The following ZNF576 variants were observed in gnomAD, a reference collection of about 807,000 sequenced individuals.
ZNF576 encodes the protein zinc finger protein 576.
ZNF576 carries 9 observed loss-of-function variants against 10.8 expected under a neutral mutation model. The observed-to-expected ratio is 0.84, with a 90% CI of 0.50 to 1.46. The LOEUF (loss-of-function observed/expected upper bound fraction) is 1.46. Ranked by LOEUF, ZNF576 falls within the 40% of genes most tolerant of loss-of-function variation. The pLI is 0.00. For synonymous variants in ZNF576, 88 were observed against 89.6 expected (o/e 0.98, Z 0.10); for missense variants, 191 against 233.7 (o/e 0.82, Z 1.19).
At chr19:43,596,589 A>G (rs1196939579), upstream of ZNF576, 1 of 154,944 alleles carries the variant, frequency 6.5e-6, no homozygotes, top group Non-Finnish European at 1.4e-5. Context: ...CTCTGCTGTA[A>G]GGAGGAAAAC....
chr19:43,597,967 T>C (rs1463883873), intron 2 of ZNF576, among the ~76,000 whole-genome samples: 1 of 152,110 alleles, frequency 6.6e-6, no homozygotes, highest in African/African-American at 2.4e-5. Context: ...GATTTGGGCT[T>C]GTGGGTGGTG....
At chr19:43,596,490 C>T (rs765023664), upstream of ZNF576, 5 of 152,374 alleles carry the variant, frequency 3.3e-5, no homozygotes, top group Non-Finnish European at 5.9e-5. Context: ...GCGGAAACCA[C>T]GGGGGCCCTG....
chr19:43,599,145 C>G lies in ZNF576; in HGVS notation c.400C>G (p.His134Asp). The G allele has an allele frequency of 6.2e-7, 1 of 1,614,256 alleles. No homozygotes were observed. The highest frequency in any genetic ancestry group is 8.5e-7 in the Non-Finnish European group (1 of 1,180,042). ...AVSLRRHRQM[H>D]EVRAPPGTFA... ...TTCTCTGAGGCGGCACCGCCAGATG[C>G]ATGAGGTCCGTGCCCCTCCTGGCAC... The change falls in exon 3 of 3, where the codon CAT (histidine) becomes GAT (aspartate). Residue 134 changes from histidine (H) to aspartate (D), a missense_variant. Physicochemically the swap from His to Asp is moderately conservative, Grantham distance 81. Coordinates refer to ENST00000336564, the MANE Select transcript of ZNF576 (RefSeq NM_001145347.2).
chr19:43,599,773 A>G lies in ZNF576; in HGVS notation c.*515A>G, dbSNP rs1205459546. ...AGCTGGACCCCAATTGAGTGGGGGT[A>G]GCAATTGGAGTCCTTGTGTCTCTTT... On this transcript the variant is annotated 3_prime_UTR_variant, in exon 3 of 3. Coordinates refer to ENST00000336564, the MANE Select transcript of ZNF576 (RefSeq NM_001145347.2). 1 of 154,036 alleles carries G rather than the reference A, an allele frequency of 6.5e-6. No individual in the cohort carries two copies. The highest frequency in any genetic ancestry group is 1.4e-5 in the Non-Finnish European group (1 of 69,400). The allele number at this position is 154,036 out of a possible 1,614,324, so 9.5% of individuals were successfully genotyped here.
rs939960404 is a variant in ZNF576 at position 43,599,482 on chromosome 19, C to A, written c.*224C>A. ...CAGTGAAATCAGATAATAATGAGATCTTTTGTTAAAAAAAAAAAATGGGAA... is the reference window on the plus strand; with the variant it reads ...CAGTGAAATCAGATAATAATGAGATATTTTGTTAAAAAAAAAAAATGGGAA... On this transcript the variant is annotated 3_prime_UTR_variant, in exon 3 of 3. Transcript: ENST00000336564. 3.4e-5 allele frequency: 17 copies of A among 494,764 alleles called. No homozygotes were observed. In the East Asian group the frequency reaches 5.5e-4, roughly 16 times the overall value. The allele number at this position is 494,764 out of a possible 1,614,324, so 30.6% of individuals were successfully genotyped here. A position where few individuals can be genotyped will look rare whatever the true frequency, so the allele number is the denominator to read the frequency against.
rs117924949 is a variant in ZNF576 at position 43,597,209 on chromosome 19, T to A, written c.85+16T>A. ...GGCAACATCTGTGAGTACACATGGC[T>A]GGCGGGCTAGAGGAGGGTGGGGTGC... On this transcript the variant is annotated intron_variant, in intron 2 of 2. Coordinates refer to ENST00000336564, the MANE Select transcript of ZNF576 (RefSeq NM_001145347.2). 29,052 of 1,612,572 alleles carry A rather than the reference T, an allele frequency of 0.018. 332 individuals carry two copies. The highest frequency in any genetic ancestry group is 0.033 in the South Asian group (2,962 of 91,042).
Position 43,597,203 on chromosome 19 carries a change from C to T in ZNF576, c.85+10C>T. The T allele has an allele frequency of 6.2e-7, 1 of 1,613,086 alleles. No homozygotes were observed. The highest frequency in any genetic ancestry group is 8.5e-7 in the Non-Finnish European group (1 of 1,179,092). On this transcript the variant is annotated intron_variant, in intron 2 of 2. Transcript: ENST00000336564. ...CCAGGAGGCAACATCTGTGAGTACACATGGCTGGCGGGCTAGAGGAGGGTG... is the reference window on the plus strand; with the variant it reads ...CCAGGAGGCAACATCTGTGAGTACATATGGCTGGCGGGCTAGAGGAGGGTG...
At chr19:43,597,380 C>A (rs1464503953) in intron 2 of ZNF576, 187 bp downstream of exon 2, 1 of 578,578 alleles carries the variant, frequency 1.7e-6, no homozygotes, top group Non-Finnish European at 3.1e-6. Flanking sequence ...AGAGTACTCA[C>A]CCTCCTCTGG....
At chr19:43,596,834 T>C (rs1210443240) in intron 1 of ZNF576, 91 bp downstream of exon 1, 4 of 329,012 alleles carry the variant, frequency 1.2e-5, no homozygotes, top group Non-Finnish European at 2.3e-5. Flanking sequence ...AGGGAGTTAG[T>C]TTGATGCAGC....
rs961168806 is a variant in ZNF576, at chr19:43,600,356, A to G, written c.*1098A>G. The stretch of plus-strand genomic sequence containing the variant: ...CTGCAGACAATGGTCGATGCCTTGC[A>G]TATAATACTTATAGACTCTGTTTAT... On this transcript the variant is annotated 3_prime_UTR_variant, in exon 3 of 3. Transcript: ENST00000336564. 5 of 152,246 alleles carry G rather than the reference A, an allele frequency of 3.3e-5. No individual in the cohort carries two copies. Among genetic ancestry groups the G allele is most frequent in the African/African-American group, 1.2e-4 (5 of 41,456 alleles). The allele number at this position is 152,246 out of a possible 1,614,324, so 9.4% of individuals were successfully genotyped here. A position where few individuals can be genotyped will look rare whatever the true frequency, so the allele number is the denominator to read the frequency against.
Position 43,599,783 on chromosome 19 carries a change from G to A in ZNF576, c.*525G>A, listed in dbSNP as rs1157616619. On this transcript the variant is annotated 3_prime_UTR_variant, in exon 3 of 3. Coordinates refer to ENST00000336564, the MANE Select transcript of ZNF576 (RefSeq NM_001145347.2). ...CAATTGAGTGGGGGTAGCAATTGGA[G>A]TCCTTGTGTCTCTTTTCCACCCCCT... 1 of 153,642 alleles carries A rather than the reference G, an allele frequency of 6.5e-6. No individual in the cohort carries two copies. The highest frequency in any genetic ancestry group is 1.9e-4 in the East Asian group (1 of 5,220). The allele number at this position is 153,642 out of a possible 1,614,324, so 9.5% of individuals were successfully genotyped here. A position where few individuals can be genotyped will look rare whatever the true frequency, so the allele number is the denominator to read the frequency against.
At chr19:43,598,731 TA>T in intron 2 of ZNF576, 99 bp from the exon 3 acceptor site, 1 of 993,388 alleles carries the variant, frequency 1.0e-6, no homozygotes, top group Non-Finnish European at 1.5e-6. Flanking sequence ...ACCTAGCACA[TA>T]ACACATTCAA....
At position 43,599,780 on chromosome 19, in the gene ZNF576, G is replaced by A. The variant is rs1973190974; in HGVS notation, c.*522G>A. 6.5e-6 allele frequency: 1 copy of A among 153,832 alleles called. No individual in the cohort carries two copies. The highest frequency in any genetic ancestry group is 2.4e-5 in the African/African-American group (1 of 41,418). The allele number at this position is 153,832 out of a possible 1,614,324, so 9.5% of individuals were successfully genotyped here. A position where few individuals can be genotyped will look rare whatever the true frequency, so the allele number is the denominator to read the frequency against. On this transcript the variant is annotated 3_prime_UTR_variant, in exon 3 of 3. Coordinates refer to ENST00000336564, the MANE Select transcript of ZNF576 (RefSeq NM_001145347.2). ...CCCCAATTGAGTGGGGGTAGCAATT[G>A]GAGTCCTTGTGTCTCTTTTCCACCC... is the stretch of plus-strand genomic sequence containing the variant.
Position 43,600,663 on chromosome 19 carries a change from C to G in ZNF576, c.*1405C>G, listed in dbSNP as rs1973198637. ...GTCAGGAGTTTGAGACCAGCCTGGCCAACATGGTGAAACCCTGTCTCTACC... is the reference window on the plus strand; with the variant it reads ...GTCAGGAGTTTGAGACCAGCCTGGCGAACATGGTGAAACCCTGTCTCTACC... On this transcript the variant is annotated 3_prime_UTR_variant, in exon 3 of 3. Coordinates refer to ENST00000336564, the MANE Select transcript of ZNF576 (RefSeq NM_001145347.2). 6.6e-6 allele frequency: 1 copy of G among 152,156 alleles called. No individual in the cohort carries two copies. The highest frequency in any genetic ancestry group is 2.4e-5 in the African/African-American group (1 of 41,414). 9.4% of individuals were successfully genotyped at this position (152,156 alleles called of 1,614,324 possible). A position where few individuals can be genotyped will look rare whatever the true frequency, so the allele number is the denominator to read the frequency against.
At position 43,598,937 on chromosome 19, in the gene ZNF576, G is replaced by A; in HGVS notation, c.192G>A (p.Gln64=). 2 of 1,613,948 alleles carry A rather than the reference G, an allele frequency of 1.2e-6. No individual in the cohort carries two copies. Among genetic ancestry groups the A allele is most frequent in the Non-Finnish European group, 1.7e-6 (2 of 1,179,834 alleles). Residue 64 remains glutamine, a synonymous_variant, in exon 3 of 3, where the codon CAG becomes CAA. Coordinates refer to ENST00000336564, the MANE Select transcript of ZNF576 (RefSeq NM_001145347.2). ...KREHPADFVA[Q]KLQGVLFICF... ...AGCACCCAGCGGACTTCGTGGCCCA[G>A]AAGCTGCAGGGGGTCCTCTTCATCT... is the stretch of plus-strand genomic sequence containing the variant.
chr19:43,599,132 G>A lies in ZNF576; in HGVS notation c.387G>A (p.Arg129=). The change falls in exon 3 of 3, where the codon CGG becomes CGA. Residue 129 remains arginine (R), a synonymous_variant. Transcript: ENST00000336564. ...TTGGGCAGGCTGTTTCTCTGAGGCGGCACCGCCAGATGCATGAGGTCCGTG... is the reference window on the plus strand; with the variant it reads ...TTGGGCAGGCTGTTTCTCTGAGGCGACACCGCCAGATGCATGAGGTCCGTG... ...KTFGQAVSLR[R]HRQMHEVRAP... 1 of 1,614,242 alleles carries A rather than the reference G, an allele frequency of 6.2e-7. No individual in the cohort carries two copies. Among genetic ancestry groups the A allele is most frequent in the Non-Finnish European group, 8.5e-7 (1 of 1,180,042 alleles).
intron 1 of ZNF576, 128 bp downstream of exon 1, chr19:43,596,871 ACT>A (rs1406552929): frequency 2.2e-6 from 1 of 459,634 alleles, no homozygotes; most frequent in Non-Finnish European, 4.0e-6. Context: ...CAGTGAGAAG[ACT>A]CTAGGGGAGT....
rs1973185532 is a variant in ZNF576, at chr19:43,599,313, C to A, written c.*55C>A. 6.5e-7 allele frequency: 1 copy of A among 1,546,504 alleles called. No individual in the cohort carries two copies. Among genetic ancestry groups the A allele is most frequent in the Admixed American group, 1.8e-5 (1 of 55,090 alleles). On this transcript the variant is annotated 3_prime_UTR_variant, in exon 3 of 3. Transcript: ENST00000336564. ...GTGGCTCTGTGGCTGGTAGGACTCA[C>A]CCATGATATGGGGTGCAGGAACTCT...
In ZNF576 at chr19:43,597,207, G is replaced by A. The variant is rs780823970; in HGVS notation, c.85+14G>A. The A allele has an allele frequency of 4.3e-6, 7 of 1,612,738 alleles. No individual in the cohort carries two copies. The Admixed American group carries it at 1.2e-4, about 27-fold the overall frequency. Reference sequence around the variant, plus strand: ...GAGGCAACATCTGTGAGTACACATGGCTGGCGGGCTAGAGGAGGGTGGGGT... The same window carrying A: ...GAGGCAACATCTGTGAGTACACATGACTGGCGGGCTAGAGGAGGGTGGGGT... On this transcript the variant is annotated intron_variant, in intron 2 of 2. Transcript: ENST00000336564.
Sources: allele counts gnomAD v4.1 joint callset (sites outside exome capture counted in the v4.1 genomes callset), GRCh38; gene constraint gnomAD v4.1.1; transcripts MANE v1.5; gene names NCBI Gene and HGNC (gene_info 2026-07-23, HGNC 2026-07-21).